KLB: variants seen among roughly 807,000 people sequenced by gnomAD.
The protein encoded by KLB is klotho beta, also known as beta-klotho.
Under a neutral mutation model 88.4 loss-of-function variants are expected in KLB, and 44 were observed. The observed-to-expected ratio is 0.50, with a 90% CI of 0.39 to 0.64. KLB has a LOEUF of 0.64. Among genes scored for constraint, KLB ranks in the 30% least tolerant of loss-of-function variants. KLB has a pLI of 0.00. For synonymous variants in KLB, 548 were observed against 513.4 expected (o/e 1.07, Z -0.91); for missense variants, 1,137 against 1,304.8 (o/e 0.87, Z 1.98).
chr4:39,450,486 A>G lies in KLB; in HGVS notation c.*1800A>G, dbSNP rs1282683797. The stretch of plus-strand genomic sequence containing the variant: ...TTAGTCAATTTGAGTAAATGCAAAT[A>G]TGATGAGAAATCAATTTGCTATTTG... On this transcript the variant is annotated 3_prime_UTR_variant, in exon 5 of 5. Transcript: ENST00000257408. 6.6e-6 allele frequency: 1 copy of G among 152,242 alleles called. No individual in the cohort carries two copies. The highest frequency in any genetic ancestry group is 2.4e-5 in the African/African-American group (1 of 41,458). The allele number at this position is 152,242 out of a possible 1,614,324, so 9.4% of individuals were successfully genotyped here.
At position 39,407,453 on chromosome 4, in the gene KLB, C is replaced by T. The variant is rs540319680; in HGVS notation, c.504C>T (p.Asn168=). ...LFPDGIVTVA[N]AKGLQYYSTL... ...CCGATGGAATAGTAACAGTTGCCAA[C>T]GCAAAAGGTCTGCAGTACTACAGTA... Residue 168 remains asparagine (N), a synonymous_variant, in exon 1 of 5, where the codon AAC becomes AAT. Transcript: ENST00000257408. 86 of 1,614,120 alleles carry T rather than the reference C, an allele frequency of 5.3e-5. 1 individual carries two copies. In the South Asian group the frequency reaches 7.5e-4, roughly 14 times the overall value.
chr4:39,430,377 T>C (rs1433964459), intron 1 of KLB, among the ~76,000 whole-genome samples: 1 of 142,888 alleles, frequency 7.0e-6, no homozygotes, highest in Non-Finnish European at 1.5e-5. Flanking sequence ...CTTTGAATCC[T>C]AGTAATTTAT....
chr4:39,438,596 C>T (rs1743531256), intron 3 of KLB, among the ~76,000 whole-genome samples: 1 of 152,212 alleles, frequency 6.6e-6, no homozygotes, highest in African/African-American at 2.4e-5. Context: ...ATACTATGTG[C>T]TTTCCACATT....
chr4:39,448,391 C>G lies in KLB; in HGVS notation c.2840C>G (p.Ser947Cys). Residue 947 changes from serine to cysteine, a missense_variant, in exon 5 of 5, where the codon TCT becomes TGT. Around this residue, in one of 4 missense-constraint regions of KLB, gnomAD observed 426 missense variants for 404.6 expected, o/e 1.05. Transcript: ENST00000257408. ...KSKPRFGFFT[S>C]DFKAKSSIQF... The stretch of plus-strand genomic sequence containing the variant: ...AAACCCAGATTTGGATTCTTCACAT[C>G]TGATTTTAAAGCTAAATCCTCAATA... 1.2e-6 allele frequency: 2 copies of G among 1,613,998 alleles called. No homozygotes were observed. The highest frequency in any genetic ancestry group is 1.7e-6 in the Non-Finnish European group (2 of 1,179,862).
chr4:39,434,401 C>T lies in KLB; in HGVS notation c.1017C>T (p.Asp339=). The change falls in exon 2 of 5, where the codon GAC becomes GAT. Residue 339 remains aspartate, a synonymous_variant. Coordinates refer to ENST00000257408, the MANE Select transcript of KLB (RefSeq NM_175737.4). ...CCAACCCTATCCATGGGGATGGCGA[C>T]TATCCAGAGGGGATGAGAAAGAAGT... ...WFANPIHGDG[D]YPEGMRKKLF... 6.2e-7 allele frequency: 1 copy of T among 1,614,136 alleles called. No individual in the cohort carries two copies. Among genetic ancestry groups the T allele is most frequent in the Non-Finnish European group, 8.5e-7 (1 of 1,179,998 alleles).
At chr4:39,442,134 C>T (rs56094920) in intron 3 of KLB, among the ~76,000 whole-genome samples, 6,734 of 151,990 alleles carry the variant, frequency 0.044, 182 homozygotes, top group South Asian at 0.084. Flanking sequence ...ATTCCATCTA[C>T]TCAGGAGGCT....
At chr4:39,408,138 G>A (rs866759543) in intron 1 of KLB, among the ~76,000 whole-genome samples, 1 of 152,072 alleles carries the variant, frequency 6.6e-6, no homozygotes, top group Admixed American at 6.6e-5. Context: ...TTATCTTAAG[G>A]CACAACCATT....
intron 3 of KLB, among the ~76,000 whole-genome samples, chr4:39,441,115 CAAAGTGCTGGGA>C (rs1206913076): frequency 6.6e-6 from 1 of 152,156 alleles, no homozygotes; most frequent in African/African-American, 2.4e-5. Context: ...CTTAGACTCC[CAAAGTGCTGGGA>C]TTACAGGTGT....
intron 1 of KLB, among the ~76,000 whole-genome samples, chr4:39,419,285 C>G (rs1239040291): frequency 2.0e-5 from 3 of 152,090 alleles, no homozygotes; most frequent in African/African-American, 7.2e-5. Flanking sequence ...ATTTAAACAG[C>G]TTGATTTGAT....
intron 1 of KLB, among the ~76,000 whole-genome samples, chr4:39,430,933 CT>C (rs1414478791): frequency 6.8e-6 from 1 of 147,036 alleles, no homozygotes; most frequent in African/African-American, 2.5e-5. Context: ...TTTTTTTCCC[CT>C]GAGTCAGGGT....
At chr4:39,420,331 C>T (rs759508716) in intron 1 of KLB, among the ~76,000 whole-genome samples, 3 of 152,102 alleles carry the variant, frequency 2.0e-5, no homozygotes, top group African/African-American at 4.8e-5. Flanking sequence ...CATGACTCCT[C>T]CTTACATTGT....
chr4:39,423,370 A>G (rs916701228), intron 1 of KLB, among the ~76,000 whole-genome samples: 2 of 151,870 alleles, frequency 1.3e-5, no homozygotes, highest in Non-Finnish European at 2.9e-5. Flanking sequence ...TTTTTCTCTC[A>G]ACATGCAATT....
chr4:39,439,219 G>GATTCA (rs1743542471), intron 3 of KLB, among the ~76,000 whole-genome samples: 1 of 151,920 alleles, frequency 6.6e-6, no homozygotes, highest in Non-Finnish European at 1.5e-5. Context: ...GACTGGTCTG[G>GATTCA]AGCTCCTGGG....
At chr4:39,440,869 T>C (rs1251654755) in intron 3 of KLB, among the ~76,000 whole-genome samples, 1 of 152,178 alleles carries the variant, frequency 6.6e-6, no homozygotes, top group Non-Finnish European at 1.5e-5. Context: ...TGAATATTTA[T>C]TTATTTGAAA....
In KLB at chr4:39,448,796, T is replaced by G; in HGVS notation, c.*110T>G. The stretch of plus-strand genomic sequence containing the variant: ...AGAAAGACAATCTGAGATACAGCTG[T>G]AACCAAGGTGATGACAATTGTCTCT... On this transcript the variant is annotated 3_prime_UTR_variant, in exon 5 of 5. Coordinates refer to ENST00000257408, the MANE Select transcript of KLB (RefSeq NM_175737.4). 5.8e-6 allele frequency: 6 copies of G among 1,033,218 alleles called. No homozygotes were observed. The highest frequency in any genetic ancestry group is 8.4e-6 in the Non-Finnish European group (6 of 711,244). The allele number at this position is 1,033,218 out of a possible 1,614,324, so 64.0% of individuals were successfully genotyped here. A position where few individuals can be genotyped will look rare whatever the true frequency, so the allele number is the denominator to read the frequency against.
chr4:39,422,200 G>A (rs966943746), intron 1 of KLB, among the ~76,000 whole-genome samples: 8 of 152,288 alleles, frequency 5.3e-5, no homozygotes, highest in Non-Finnish European at 7.4e-5. Context: ...TAATTTGCAC[G>A]ATATCCTGGA....
Position 39,437,889 on chromosome 4 carries a change from A to G in KLB, c.1499A>G (p.Lys500Arg), listed in dbSNP as rs1307144078. The G allele has an allele frequency of 1.2e-6, 2 of 1,614,182 alleles. No homozygotes were observed. The highest frequency in any genetic ancestry group is 8.5e-7 in the Non-Finnish European group (1 of 1,180,026). Reference protein sequence around the residue: ...RKPKSSAHYYKQIIRENGFSL... With the variant: ...RKPKSSAHYYRQIIRENGFSL... ...CCTAAGTCTTCAGCACACTACTACA[A>G]ACAGATCATACGAGAAAATGGTTTT... Residue 500 changes from lysine to arginine, a missense_variant, in exon 3 of 5, where the codon AAA becomes AGA. By Grantham distance (26) the Lys-to-Arg change is conservative. Coordinates refer to ENST00000257408, the MANE Select transcript of KLB (RefSeq NM_175737.4).
chr4:39,417,610 A>T (rs928456371), intron 1 of KLB, among the ~76,000 whole-genome samples: 1 of 152,138 alleles, frequency 6.6e-6, no homozygotes, highest in African/African-American at 2.4e-5. Flanking sequence ...TGCTTTTTTA[A>T]AAAAAAGAAG....
At chr4:39,418,902 C>T (rs752762371) in intron 1 of KLB, among the ~76,000 whole-genome samples, 9 of 147,664 alleles carry the variant, frequency 6.1e-5, no homozygotes, top group East Asian at 2.0e-4. Context: ...CAACTGAGAT[C>T]GCACCGCTGC....
Sources: gnomAD v4.1 joint callset for allele counts (sites outside exome capture counted in the v4.1 genomes callset) on GRCh38, gnomAD v4.1.1 for gene constraint, gnomAD v4.1.1 regional missense constraint, MANE v1.5 for transcripts, NCBI Gene and HGNC (gene_info 2026-07-23, HGNC 2026-07-21) for gene names.